Variants in COL5A1 observed in about 807,000 individuals in gnomAD.
COL5A1 encodes the protein collagen type V alpha 1 chain, also known as collagen alpha-1(V) chain.
COL5A1 carries 16 observed loss-of-function variants against 263.7 expected under a neutral mutation model. The ratio of observed to expected loss-of-function variants is 0.06; its 90% CI spans 0.04 to 0.09. The LOEUF (loss-of-function observed/expected upper bound fraction) is 0.09. Among genes scored for constraint, COL5A1 ranks in the 10% least tolerant of loss-of-function variants. COL5A1 has a pLI of 1.00. For missense variants in COL5A1, 2,036 were observed against 2,540.5 expected (o/e 0.80, Z 4.27); for synonymous variants, 1,012 against 1,004.5 (o/e 1.01, Z -0.14).
At position 134,652,515 on chromosome 9, in the gene COL5A1, A is replaced by G. The variant is rs1274853098; in HGVS notation, c.109+10219A>G. 6.6e-6 allele frequency among the ~76,000 whole-genome samples: 1 copy of G among 152,114 alleles called. No homozygotes were observed. Among genetic ancestry groups the G allele is most frequent in the African/African-American group, 2.4e-5 (1 of 41,418 alleles). The stretch of plus-strand genomic sequence containing the variant: ...CCAGGCCATTTGGGGACATGTGGCA[A>G]TGTCTGGAGATGTTTTCTGATTGTC... On this transcript the variant is annotated intron_variant, in intron 1 of 65. Transcript: ENST00000371817. The surrounding 1 kb of genome is among the most constrained non-coding windows in gnomAD (Gnocchi z 4.4).
intron 50 of COL5A1, 86 bp downstream of exon 50, chr9:134,814,990 C>CT: frequency 1.1e-6 from 1 of 946,116 alleles, no homozygotes; most frequent in Non-Finnish European, 1.6e-6. Context: ...GCGGTGCACT[C>CT]TGCTCTGAGA....
chr9:134,719,078 G>A lies in COL5A1; in HGVS notation c.655-8188G>A, dbSNP rs573808039. On this transcript the variant is annotated intron_variant, in intron 4 of 65. Coordinates refer to ENST00000371817, the MANE Select transcript of COL5A1 (RefSeq NM_000093.5). ...GAGCGGGGAAGTGGGGTGGGCTTAG[G>A]ACAAGCAGCCTCAAAGAACTGTGGG... Among the ~76,000 whole-genome samples, 381 of 152,292 alleles carry A rather than the reference G, an allele frequency of 2.5e-3. 2 individuals are homozygous for A. The highest frequency in any genetic ancestry group is 8.6e-3 in the African/African-American group (356 of 41,564).
chr9:134,777,615 G>A (rs765663585), intron 27 of COL5A1, among the ~76,000 whole-genome samples: 5 of 152,030 alleles, frequency 3.3e-5, no homozygotes, highest in Non-Finnish European at 7.4e-5. Context: ...CCATTCCTCC[G>A]ATGGGGATCC....
chr9:134,732,047 C>T, intron 8 of COL5A1, 24 bp from the exon 9 acceptor site: 1 of 1,613,352 alleles, frequency 6.2e-7, no homozygotes, highest in Non-Finnish European at 8.5e-7. Context: ...GATTCTCTTT[C>T]CATCTGCCTT....
Position 134,757,763 on chromosome 9 carries a change from C to T in COL5A1, c.1882-480C>T, listed in dbSNP as rs1040729378. Among the ~76,000 whole-genome samples the T allele has an allele frequency of 2.0e-5, 3 of 152,194 alleles. No homozygotes were observed. The highest frequency in any genetic ancestry group is 4.8e-5 in the African/African-American group (2 of 41,458). ...CAGGGCATGCAGAAGAGGGGCCGGC[C>T]AGAGAGCCAGGATGCCTGAGGGTAG... On this transcript the variant is annotated intron_variant, in intron 17 of 65. Coordinates refer to ENST00000371817, the MANE Select transcript of COL5A1 (RefSeq NM_000093.5). This position sits in a 1 kb window ranked among gnomAD's most constrained non-coding sequence, Gnocchi z 6.2.
chr9:134,802,161 G>A (rs1195066473), intron 38 of COL5A1, among the ~76,000 whole-genome samples, 154 bp downstream of exon 38: 1 of 152,218 alleles, frequency 6.6e-6, no homozygotes, highest in African/African-American at 2.4e-5. Context: ...GTCAGCGTGA[G>A]GCTCGCCCCA....
chr9:134,824,135 GTC>G (rs1163027925), intron 61 of COL5A1, among the ~76,000 whole-genome samples: 10 of 152,160 alleles, frequency 6.6e-5, no homozygotes, highest in Non-Finnish European at 5.9e-5. Flanking sequence ...TGGTTGTGGA[GTC>G]TCTCCAACTC....
intron 21 of COL5A1, among the ~76,000 whole-genome samples, chr9:134,766,041 A>G (rs1016689842): frequency 4.6e-5 from 7 of 152,208 alleles, no homozygotes; most frequent in Non-Finnish European, 1.0e-4. Flanking sequence ...CCAGGATGTC[A>G]CGTTTCTTCC....
chr9:134,752,293 G>C (rs1835809561), intron 13 of COL5A1, among the ~76,000 whole-genome samples: 1 of 152,194 alleles, frequency 6.6e-6, no homozygotes. Context: ...GGCCCTCTCT[G>C]TGTGGGCTAG....
intron 31 of COL5A1, among the ~76,000 whole-genome samples, chr9:134,787,549 G>T (rs1837507698): frequency 6.6e-6 from 1 of 152,198 alleles, no homozygotes; most frequent in Non-Finnish European, 1.5e-5. Context: ...ACCTCACTGC[G>T]GTGCTGCTTC....
chr9:134,683,326 C>G (rs764275755), intron 1 of COL5A1, among the ~76,000 whole-genome samples: 4 of 152,184 alleles, frequency 2.6e-5, no homozygotes, highest in Non-Finnish European at 5.9e-5. Context: ...GGACTTTCCT[C>G]TTGAGCCCGT....
intron 9 of COL5A1, among the ~76,000 whole-genome samples, chr9:134,738,049 C>T (rs1835166477): frequency 6.6e-6 from 1 of 152,154 alleles, no homozygotes; most frequent in Non-Finnish European, 1.5e-5. Context: ...ACCTATTTTT[C>T]CCTTATCCTT....
intron 65 of COL5A1, among the ~76,000 whole-genome samples, chr9:134,839,727 G>T (rs1050889254): frequency 6.6e-6 from 1 of 152,200 alleles, no homozygotes; most frequent in Non-Finnish European, 1.5e-5. Flanking sequence ...GCTCCTCGCC[G>T]GTGGGGAGGG....
In COL5A1 at chr9:134,812,305, C is replaced by G. The variant is rs990491613; in HGVS notation, c.3691-144C>G. ...GAGACTGGGAACCCCGGGACGTCCTCGTGGGTAGCTATGCACAGAGAAGCA... is the reference window on the plus strand; with the variant it reads ...GAGACTGGGAACCCCGGGACGTCCTGGTGGGTAGCTATGCACAGAGAAGCA... On this transcript the variant is annotated intron_variant, in intron 46 of 65. Transcript: ENST00000371817. 107 of 781,034 alleles carry G rather than the reference C, an allele frequency of 1.4e-4. 1 individual carries two copies. The South Asian group carries it at 1.6e-3, about 11-fold the overall frequency. 48.4% of individuals were successfully genotyped at this position (781,034 alleles called of 1,614,324 possible). A position where few individuals can be genotyped will look rare whatever the true frequency, so the allele number is the denominator to read the frequency against.
At chr9:134,724,595 A>G (rs546571375) in intron 4 of COL5A1, among the ~76,000 whole-genome samples, 1 of 152,252 alleles carries the variant, frequency 6.6e-6, no homozygotes, top group African/African-American at 2.4e-5. Context: ...GGAAGAGAGC[A>G]GCCCTCGGAA....
Position 134,765,361 on chromosome 9 carries a change from G to A in COL5A1, c.2035-320G>A, listed in dbSNP as rs192922975. ...TAGCGTGGTGATTCTCTGGGGGAGC[G>A]TCTGCTCACCTGCCCCAGCAAGTGT... On this transcript the variant is annotated intron_variant, in intron 20 of 65. Coordinates refer to ENST00000371817, the MANE Select transcript of COL5A1 (RefSeq NM_000093.5). The surrounding 1 kb of genome is among the most constrained non-coding windows in gnomAD (Gnocchi z 5.1). 8.6e-3 allele frequency among the ~76,000 whole-genome samples: 1,306 copies of A among 152,148 alleles called. 18 individuals carry two copies. The highest frequency in any genetic ancestry group is 0.029 in the African/African-American group (1,218 of 41,524).
At chr9:134,808,332 TG>T (rs1224963273) in intron 42 of COL5A1, among the ~76,000 whole-genome samples, 2 of 152,306 alleles carry the variant, frequency 1.3e-5, no homozygotes, top group East Asian at 3.9e-4. Flanking sequence ...AGTGATGCGA[TG>T]GCTGGTCAAA....
At chr9:134,781,439 TC>T (rs1204643455) in intron 28 of COL5A1, among the ~76,000 whole-genome samples, 1 of 152,194 alleles carries the variant, frequency 6.6e-6, no homozygotes, top group East Asian at 1.9e-4. Flanking sequence ...GAACACAGGG[TC>T]CCCATCCCAG....
chr9:134,721,259 TC>T (rs1191808042), intron 4 of COL5A1, among the ~76,000 whole-genome samples: 1 of 132,590 alleles, frequency 7.5e-6, no homozygotes, highest in South Asian at 2.6e-4. Context: ...CTGTCAGATG[TC>T]CCCCCCATGG....
Sources: allele counts gnomAD v4.1 joint callset (sites outside exome capture counted in the v4.1 genomes callset), GRCh38; gene constraint gnomAD v4.1.1; non-coding constraint Gnocchi (gnomAD v3.1); transcripts MANE v1.5; gene names NCBI Gene and HGNC (gene_info 2026-07-23, HGNC 2026-07-21).